Variants in IQGAP2 observed in about 807,000 individuals in gnomAD.
The protein encoded by IQGAP2 is IQ motif containing GTPase activating protein 2.
A neutral mutation model predicts 201.3 loss-of-function variants in IQGAP2; 173 were observed. The observed-to-expected ratio is 0.86, with a 90% confidence interval of 0.76 to 0.98. The LOEUF is 0.98. Ranked by LOEUF, IQGAP2 falls within the 50% of genes least tolerant of loss-of-function variation. The probability of loss-of-function intolerance (pLI) is 0.00; values close to 1 mark genes in which losing one functional copy is unlikely to be tolerated. For synonymous variants in IQGAP2, 675 were observed against 673.9 expected (o/e 1.00, Z -0.03); for missense variants, 1,687 against 1,864.8 (o/e 0.90, Z 1.76).
chr5:76,605,358 T>A (rs1416005279), intron 11 of IQGAP2, among the ~76,000 whole-genome samples: 1 of 152,126 alleles, frequency 6.6e-6, no homozygotes, highest in South Asian at 2.1e-4. Context: ...CCATTTTTAA[T>A]TTTAATTTTA....
intron 1 of IQGAP2, among the ~76,000 whole-genome samples, chr5:76,405,267 T>C (rs1365681266): frequency 6.6e-6 from 1 of 152,218 alleles, no homozygotes; most frequent in Non-Finnish European, 1.5e-5. Flanking sequence ...TTAAGTGCAC[T>C]CCAGAAGAAG....
chr5:76,618,601 G>A, intron 13 of IQGAP2: 1 of 1,613,750 alleles, frequency 6.2e-7, no homozygotes, highest in Non-Finnish European at 8.5e-7. Context: ...GTCTTAATGG[G>A]TAAGGTTGGC....
At position 76,702,522 on chromosome 5, in the gene IQGAP2, G is replaced by A. The variant is rs1387882725; in HGVS notation, c.4546G>A (p.Val1516Ile). ...VTFDIIATEDVGIFDVRSKFL... is the reference protein window; with the variant it reads ...VTFDIIATEDIGIFDVRSKFL... ...ATTTGATATCATAGCTACTGAAGAT[G>A]TAGGCATTTTCGATGTAAGATCAAA... Residue 1516 changes from valine to isoleucine, a missense_variant, in exon 35 of 36, where the codon GTA becomes ATA. Physicochemically the swap from Val to Ile is conservative, Grantham distance 29. Coordinates refer to ENST00000274364, the MANE Select transcript of IQGAP2 (RefSeq NM_006633.5). 1.9e-6 allele frequency: 3 copies of A among 1,596,124 alleles called. No individual in the cohort carries two copies. The highest frequency in any genetic ancestry group is 2.2e-5 in the East Asian group (1 of 44,790).
chr5:76,677,406 A>T, intron 28 of IQGAP2, 56 bp downstream of exon 28: 1 of 1,546,648 alleles, frequency 6.5e-7, no homozygotes, highest in Non-Finnish European at 8.9e-7. Flanking sequence ...GGCATCTGTT[A>T]TCTTGAAAAT....
chr5:76,542,673 C>A (rs1205735213), intron 2 of IQGAP2, among the ~76,000 whole-genome samples: 1 of 152,198 alleles, frequency 6.6e-6, no homozygotes, highest in Non-Finnish European at 1.5e-5. Context: ...CCTTGAGGGA[C>A]AGGTCTTATC....
chr5:76,617,824 T>G (rs1749141597), intron 13 of IQGAP2: 2 of 1,613,890 alleles, frequency 1.2e-6, no homozygotes, highest in African/African-American at 1.3e-5. Context: ...CACAACCATC[T>G]ATGATCGTAT....
At chr5:76,607,940 T>C (rs185223219) in intron 12 of IQGAP2, 177 of 152,376 alleles carry the variant, frequency 1.2e-3, no homozygotes, top group African/African-American at 4.2e-3. Context: ...AGTTCTGCTT[T>C]GGTTATTTCT....
intron 1 of IQGAP2, among the ~76,000 whole-genome samples, chr5:76,428,699 CT>C (rs1752155381): frequency 1.3e-5 from 2 of 150,840 alleles, no homozygotes; most frequent in Non-Finnish European, 3.0e-5. Flanking sequence ...TCCCAAAGTG[CT>C]GGGATTACAG....
chr5:76,633,940 AT>A (rs150403411), intron 15 of IQGAP2, among the ~76,000 whole-genome samples: 3,071 of 152,168 alleles, frequency 0.02, 52 homozygotes, highest in Non-Finnish European at 0.026. Flanking sequence ...TGGAACCTGT[AT>A]TCTGCGCCAC....
chr5:76,481,763 G>A (rs1173048720), intron 2 of IQGAP2, among the ~76,000 whole-genome samples: 2 of 152,134 alleles, frequency 1.3e-5, no homozygotes, highest in Non-Finnish European at 2.9e-5. Flanking sequence ...TGTATTTTAC[G>A]CTTACAGGAC....
In IQGAP2 at chr5:76,589,695, C is replaced by G; in HGVS notation, c.607C>G (p.Leu203Val). 7 of 1,607,458 alleles carry G rather than the reference C, an allele frequency of 4.4e-6. No individual in the cohort carries two copies. Among genetic ancestry groups the G allele is most frequent in the Non-Finnish European group, 5.1e-6 (6 of 1,176,806 alleles). ...ATCTTTCAGCAAAATAGGTGGTATT[C>G]TGGCCAATGAACTGTCCGTGGATGA... ...MPSFSKIGGI[L>V]ANELSVDEAA... The change falls in exon 7 of 36, where the codon CTG becomes GTG. Residue 203 changes from leucine to valine, a missense_variant. Transcript: ENST00000274364.
chr5:76,519,963 A>G (rs1486819888), intron 2 of IQGAP2, among the ~76,000 whole-genome samples: 1 of 151,440 alleles, frequency 6.6e-6, no homozygotes, highest in Non-Finnish European at 1.5e-5. Flanking sequence ...AAAAGCAAGT[A>G]TTTTCTTTTA....
chr5:76,516,996 T>C (rs1361328787), intron 2 of IQGAP2, among the ~76,000 whole-genome samples: 1 of 152,146 alleles, frequency 6.6e-6, no homozygotes, highest in Non-Finnish European at 1.5e-5. Flanking sequence ...CCTGTCAATG[T>C]GGAGTTCCAA....
chr5:76,582,645 T>C (rs2150294091), intron 5 of IQGAP2, among the ~76,000 whole-genome samples: 1 of 152,316 alleles, frequency 6.6e-6, no homozygotes, highest in South Asian at 2.1e-4. Flanking sequence ...CGATAGTACC[T>C]TTTAGTGTAT....
intron 20 of IQGAP2, among the ~76,000 whole-genome samples, chr5:76,656,637 G>T (rs1742749077): frequency 6.7e-6 from 1 of 150,230 alleles, no homozygotes; most frequent in Admixed American, 6.6e-5. Context: ...CAGGTAAAGT[G>T]TTTTTTTTTA....
intron 1 of IQGAP2, among the ~76,000 whole-genome samples, chr5:76,435,544 G>C (rs1470342789): frequency 6.6e-6 from 1 of 152,118 alleles, no homozygotes; most frequent in Non-Finnish European, 1.5e-5. Context: ...ATTGGTCTGT[G>C]TATCTACTTT....
chr5:76,546,684 G>A (rs555776074), intron 2 of IQGAP2, among the ~76,000 whole-genome samples: 5 of 152,284 alleles, frequency 3.3e-5, no homozygotes, highest in Admixed American at 2.0e-4. Flanking sequence ...CTGTAGTCAG[G>A]ATTGGCAGTA....
At chr5:76,533,714 T>C (rs1356968940) in intron 2 of IQGAP2, among the ~76,000 whole-genome samples, 1 of 151,938 alleles carries the variant, frequency 6.6e-6, no homozygotes, top group Non-Finnish European at 1.5e-5. Context: ...ATTTTTTGTA[T>C]TTTTTAGTAG....
intron 2 of IQGAP2, among the ~76,000 whole-genome samples, chr5:76,547,963 G>GAGAA (rs1743196252): frequency 6.6e-6 from 1 of 152,210 alleles, no homozygotes; most frequent in African/African-American, 2.4e-5. Flanking sequence ...CTGCTCTGTG[G>GAGAA]AGAACAGTGT....
Sources: gnomAD v4.1 joint callset for allele counts (sites outside exome capture counted in the v4.1 genomes callset) on GRCh38, gnomAD v4.1.1 for gene constraint, MANE v1.5 for transcripts, NCBI Gene and HGNC (gene_info 2026-07-23, HGNC 2026-07-21) for gene names.